CNTN6: variants seen among roughly 807,000 people sequenced by gnomAD.
CNTN6 encodes the protein contactin-6.
In CNTN6, 137 loss-of-function variants were observed where a neutral mutation model predicts 122.8. That is an observed-to-expected ratio of 1.12 (90% CI 0.97 to 1.29). CNTN6 has a LOEUF of 1.29. CNTN6 is among the 50% of genes most tolerant of loss of function. The pLI is 0.00. For synonymous variants in CNTN6, 570 were observed against 426.0 expected (o/e 1.34, Z -4.16); for missense variants, 1,634 against 1,223.4 (o/e 1.34, Z -5.01).
intron 2 of CNTN6, among the ~76,000 whole-genome samples, chr3:1,170,388 C>T (rs559178540): frequency 7.9e-5 from 12 of 151,734 alleles, no homozygotes; most frequent in African/African-American, 2.9e-4. Flanking sequence ...ATATGGGTAA[C>T]GTAAGCTAAA....
intron 6 of CNTN6, among the ~76,000 whole-genome samples, chr3:1,296,558 T>G (rs1696273921): frequency 1.3e-5 from 2 of 152,180 alleles, no homozygotes; most frequent in Admixed American, 1.3e-4. Flanking sequence ...TATTCAGGAC[T>G]TGAAATGCAA....
intron 4 of CNTN6, among the ~76,000 whole-genome samples, chr3:1,269,949 A>C (rs1156676722): frequency 6.6e-6 from 1 of 152,188 alleles, no homozygotes. Context: ...TGGATTTGAC[A>C]CCAGGAGCTC....
At chr3:1,135,348 T>A (rs903698478) in intron 1 of CNTN6, among the ~76,000 whole-genome samples, 1 of 152,118 alleles carries the variant, frequency 6.6e-6, no homozygotes, top group Admixed American at 6.6e-5. Flanking sequence ...GGAGCACATA[T>A]CAGGGGATGG....
chr3:1,402,490 A>G lies in CNTN6; in HGVS notation c.2986+4A>G. On this transcript the variant is annotated splice_donor_region_variant and intron_variant, in intron 22 of 22. Transcript: ENST00000446702. ...ATTAGGATTCCAAAAATGTCAAGTA[A>G]GTTGAGTCACCATTGCTGTAGTAGA... is the stretch of plus-strand genomic sequence containing the variant. 1 of 1,604,912 alleles carries G rather than the reference A, an allele frequency of 6.2e-7. No individual in the cohort carries two copies. Among genetic ancestry groups the G allele is most frequent in the Non-Finnish European group, 8.5e-7 (1 of 1,173,528 alleles).
At position 1,329,783 on chromosome 3, in the gene CNTN6, A is replaced by G. The variant is rs1702032761; in HGVS notation, c.1214-2A>G. 1.2e-6 allele frequency: 2 copies of G among 1,604,088 alleles called. No individual in the cohort carries two copies. Among genetic ancestry groups the G allele is most frequent in the Non-Finnish European group, 1.7e-6 (2 of 1,175,876 alleles). On this transcript the variant is annotated splice_acceptor_variant, in intron 10 of 22. Transcript: ENST00000446702. LOFTEE classifies it high-confidence loss of function. ...CAATTTTGTCTTTGATTTTGTTTTT[A>G]GCCTCAGCTCCAGATTTCTCCAAAA...
chr3:1,210,690 G>A (rs1363929054), intron 2 of CNTN6, among the ~76,000 whole-genome samples: 1 of 152,086 alleles, frequency 6.6e-6, no homozygotes, highest in African/African-American at 2.4e-5. Context: ...CTATTAATAG[G>A]GATGTGATTT....
At chr3:1,369,149 A>C (rs1708634360) in intron 12 of CNTN6, among the ~76,000 whole-genome samples, 1 of 152,152 alleles carries the variant, frequency 6.6e-6, no homozygotes, top group Non-Finnish European at 1.5e-5. Flanking sequence ...TCTACCTGCT[A>C]CCTTTACCCA....
At chr3:1,111,997 C>A (rs1197521424) in intron 1 of CNTN6, among the ~76,000 whole-genome samples, 1 of 152,034 alleles carries the variant, frequency 6.6e-6, no homozygotes, top group African/African-American at 2.4e-5. Context: ...AAAAATGGAA[C>A]TATTATGTAG....
At chr3:1,227,700 A>G (rs2094301716) in intron 3 of CNTN6, 118 bp from the exon 4 acceptor site, 2 of 1,092,594 alleles carry the variant, frequency 1.8e-6, no homozygotes, top group East Asian at 2.5e-5. Context: ...TTACCTCCAC[A>G]TGTAATCATG....
chr3:1,159,834 C>G (rs74280901), intron 2 of CNTN6, among the ~76,000 whole-genome samples: 26,271 of 151,398 alleles, frequency 0.17, 2,749 homozygotes, highest in East Asian at 0.31. Flanking sequence ...CTTTTTCCCC[C>G]CCTCAAGACA....
At chr3:1,403,088 CTT>C (rs1478513053) in intron 22 of CNTN6, among the ~76,000 whole-genome samples, 1 of 152,146 alleles carries the variant, frequency 6.6e-6, no homozygotes, top group Non-Finnish European at 1.5e-5. Flanking sequence ...TTTAGGCAGA[CTT>C]TGCCAATTTA....
At chr3:1,348,184 G>A (rs1417624301) in intron 11 of CNTN6, among the ~76,000 whole-genome samples, 1 of 77,588 alleles carries the variant, frequency 1.3e-5, no homozygotes, top group African/African-American at 7.5e-5. Context: ...AAAGGACTTG[G>A]GCCATTAGTT....
Position 1,352,416 on chromosome 3 carries a change from G to A in CNTN6, c.1457G>A (p.Gly486Asp), listed in dbSNP as rs763340553. ...ACATGCATAGCCACAAATCAGTTTG[G>A]CACTGCAAAGAACACTGGCAGCCTC... ...SYTCIATNQF[G>D]TAKNTGSLIV... The change falls in exon 12 of 23, where the codon GGC (glycine) becomes GAC (aspartate). Residue 486 changes from glycine to aspartate, a missense_variant. Gly to Asp is a moderately conservative substitution (Grantham distance 94). Coordinates refer to ENST00000446702, the MANE Select transcript of CNTN6 (RefSeq NM_001289080.2). 1.9e-6 allele frequency: 3 copies of A among 1,609,372 alleles called. No homozygotes were observed. The highest frequency in any genetic ancestry group is 2.2e-5 in the South Asian group (2 of 90,908).
chr3:1,358,608 G>A (rs746784705), intron 12 of CNTN6, among the ~76,000 whole-genome samples: 4 of 151,942 alleles, frequency 2.6e-5, no homozygotes, highest in East Asian at 1.9e-4. Flanking sequence ...GTTGAAGGGC[G>A]TGGAAGGGGA....
chr3:1,305,668 T>C (rs911068002), intron 7 of CNTN6, among the ~76,000 whole-genome samples: 1 of 142,204 alleles, frequency 7.0e-6, no homozygotes, highest in African/African-American at 3.1e-5. Flanking sequence ...ATATTTTCCT[T>C]TTTTTAAAAA....
At chr3:1,213,265 G>C (rs1250299497) in intron 2 of CNTN6, among the ~76,000 whole-genome samples, 1 of 152,168 alleles carries the variant, frequency 6.6e-6, no homozygotes, top group Non-Finnish European at 1.5e-5. Context: ...AGCATTTGTT[G>C]TGTGCTTGTT....
chr3:1,306,900 C>T (rs979651521), intron 7 of CNTN6, among the ~76,000 whole-genome samples: 1 of 152,160 alleles, frequency 6.6e-6, no homozygotes, highest in South Asian at 2.1e-4. Context: ...TCTGTTCAAT[C>T]TTTCTAAGAG....
At chr3:1,172,619 T>C (rs2125301773) in intron 2 of CNTN6, among the ~76,000 whole-genome samples, 2 of 75,224 alleles carry the variant, frequency 2.7e-5, no homozygotes. Context: ...GCAATAACTC[T>C]CTGTGTGTGT....
At chr3:1,236,221 C>G (rs1053166567) in intron 4 of CNTN6, among the ~76,000 whole-genome samples, 4 of 152,084 alleles carry the variant, frequency 2.6e-5, no homozygotes, top group Non-Finnish European at 4.4e-5. Context: ...TTGCATCCTC[C>G]GTATAGGACC....
Sources: gnomAD v4.1 joint callset for allele counts (sites outside exome capture counted in the v4.1 genomes callset) on GRCh38, gnomAD v4.1.1 for gene constraint, MANE v1.5 for transcripts, NCBI Gene and HGNC (gene_info 2026-07-23, HGNC 2026-07-21) for gene names.